Variants in GABRB1 observed in about 807,000 individuals in gnomAD.
The protein encoded by GABRB1 is gamma-aminobutyric acid type A receptor subunit beta1.
In GABRB1, 17 loss-of-function variants were observed where a neutral mutation model predicts 51.6. The ratio of observed to expected loss-of-function variants is 0.33; its 90% CI spans 0.23 to 0.49. The LOEUF (loss-of-function observed/expected upper bound fraction) is 0.49. GABRB1 is among the 20% of genes least tolerant of loss of function. The pLI is 0.99. For missense variants in GABRB1, 410 were observed against 600.6 expected (o/e 0.68, Z 3.32); for synonymous variants, 247 against 218.9 (o/e 1.13, Z -1.14).
intron 3 of GABRB1, among the ~76,000 whole-genome samples, chr4:47,077,761 T>C (rs770990078): frequency 6.1e-5 from 9 of 148,216 alleles, no homozygotes; most frequent in African/African-American, 9.9e-5. Flanking sequence ...ACCTGCAGAG[T>C]AGTCTTTTAA....
intron 4 of GABRB1, among the ~76,000 whole-genome samples, chr4:47,195,271 G>A (rs1465762657): frequency 6.6e-6 from 1 of 152,164 alleles, no homozygotes; most frequent in African/African-American, 2.4e-5. Flanking sequence ...GGAGAGTGAG[G>A]CAGGAGAATG....
At chr4:47,065,769 C>T (rs968685621) in intron 3 of GABRB1, among the ~76,000 whole-genome samples, 32 of 152,214 alleles carry the variant, frequency 2.1e-4, no homozygotes, top group African/African-American at 6.0e-4. Context: ...AAAGGAAAGG[C>T]GCTATCCTAA....
chr4:47,016,711 C>A (rs557853190), intron 1 of GABRB1, among the ~76,000 whole-genome samples: 2 of 152,246 alleles, frequency 1.3e-5, no homozygotes. Flanking sequence ...GCCTCAGCCT[C>A]CTGAGCATCT....
At chr4:47,380,361 G>T (rs1036332576) in intron 5 of GABRB1, among the ~76,000 whole-genome samples, 1 of 152,142 alleles carries the variant, frequency 6.6e-6, no homozygotes, top group African/African-American at 2.4e-5. Flanking sequence ...ATTCCCAGGA[G>T]CACTGACTGC....
chr4:47,101,592 A>G (rs1714726986), intron 3 of GABRB1, among the ~76,000 whole-genome samples: 1 of 151,862 alleles, frequency 6.6e-6, no homozygotes, highest in Non-Finnish European at 1.5e-5. Flanking sequence ...AAATAAAGAG[A>G]ATGGAAGAAA....
At position 47,014,573 on chromosome 4, in the gene GABRB1, G is replaced by A. The variant is rs530968114; in HGVS notation, c.-19-17341G>A. On this transcript the variant is annotated intron_variant, in intron 1 of 3. Transcript: ENST00000513567. ...CTAGCAATTGTCCACTTCTGGGTTG[G>A]ACATCAACTGGGTGTCCTACAATTT... 3.9e-4 allele frequency among the ~76,000 whole-genome samples: 60 copies of A among 152,152 alleles called. No individual in the cohort carries two copies. In the South Asian group the frequency reaches 0.011, roughly 29 times the overall value.
chr4:47,120,627 C>T (rs542593856), intron 3 of GABRB1, among the ~76,000 whole-genome samples: 2 of 152,182 alleles, frequency 1.3e-5, no homozygotes, highest in Non-Finnish European at 2.9e-5. Context: ...TGAAAGTCCA[C>T]GGCATGTACT....
chr4:47,031,883 T>C, intron 1 of GABRB1, 31 bp from the exon 2 acceptor site: 1 of 1,598,926 alleles, frequency 6.3e-7, no homozygotes, highest in Non-Finnish European at 8.6e-7. Flanking sequence ...TTGTGCTCAT[T>C]TTGAATACGG....
chr4:47,036,936 T>C (rs1298987836), intron 3 of GABRB1, among the ~76,000 whole-genome samples: 1 of 152,020 alleles, frequency 6.6e-6, no homozygotes, highest in African/African-American at 2.4e-5. Context: ...CCATTAAAAT[T>C]TCTTTAGGAA....
intron 3 of GABRB1, among the ~76,000 whole-genome samples, chr4:47,082,046 T>C (rs1727870674): frequency 6.6e-6 from 1 of 152,064 alleles, no homozygotes; most frequent in Non-Finnish European, 1.5e-5. Flanking sequence ...TATAAAGTTA[T>C]ACAAATATAA....
chr4:47,302,786 G>A (rs1724310651), intron 4 of GABRB1, among the ~76,000 whole-genome samples: 1 of 151,930 alleles, frequency 6.6e-6, no homozygotes, highest in Non-Finnish European at 1.5e-5. Context: ...TACCAAAAGA[G>A]CCTTTCATTC....
At chr4:47,287,135 G>A (rs1578064717) in intron 4 of GABRB1, among the ~76,000 whole-genome samples, 1 of 130,604 alleles carries the variant, frequency 7.7e-6, no homozygotes, top group African/African-American at 3.0e-5. Flanking sequence ...GTGAGAGAAA[G>A]AGAGAGAGAG....
At chr4:47,249,767 C>A (rs1233602719) in intron 4 of GABRB1, among the ~76,000 whole-genome samples, 1 of 152,024 alleles carries the variant, frequency 6.6e-6, no homozygotes, top group Non-Finnish European at 1.5e-5. Flanking sequence ...TTTCGGTGTC[C>A]ATTTGCATGA....
chr4:47,249,055 G>A (rs1368862521), intron 4 of GABRB1, among the ~76,000 whole-genome samples: 2 of 151,746 alleles, frequency 1.3e-5, no homozygotes, highest in Non-Finnish European at 1.5e-5. Flanking sequence ...GCTGGGTTTG[G>A]GTTTGGTTTG....
chr4:47,396,381 AT>A (rs1210854072), intron 5 of GABRB1, among the ~76,000 whole-genome samples: 1 of 152,170 alleles, frequency 6.6e-6, no homozygotes, highest in African/African-American at 2.4e-5. Context: ...GGGAGTACAA[AT>A]CAAGATGAGA....
intron 4 of GABRB1, among the ~76,000 whole-genome samples, chr4:47,303,880 G>GT (rs1222451472): frequency 6.6e-6 from 1 of 151,862 alleles, no homozygotes; most frequent in African/African-American, 2.4e-5. Flanking sequence ...ACTTTAACTT[G>GT]TTAGATTCCA....
chr4:47,118,296 T>C (rs1715595583), intron 3 of GABRB1, among the ~76,000 whole-genome samples: 2 of 152,160 alleles, frequency 1.3e-5, no homozygotes, highest in Admixed American at 1.3e-4. Context: ...TGCCATGTAA[T>C]TTCAGTGAGT....
intron 3 of GABRB1, among the ~76,000 whole-genome samples, chr4:47,105,417 C>T (rs1427317403): frequency 2.6e-5 from 4 of 151,542 alleles, no homozygotes; most frequent in Non-Finnish European, 4.4e-5. Flanking sequence ...AGGTGGTCCT[C>T]TCTGTTGTTC....
At chr4:47,127,782 G>T (rs1448387619) in intron 3 of GABRB1, among the ~76,000 whole-genome samples, 1 of 151,674 alleles carries the variant, frequency 6.6e-6, no homozygotes, top group Admixed American at 6.6e-5. Context: ...TATAAAATAA[G>T]ACTTAAAGTA....
Sources: gnomAD v4.1 joint callset for allele counts (sites outside exome capture counted in the v4.1 genomes callset) on GRCh38, gnomAD v4.1.1 for gene constraint, MANE v1.5 for transcripts, NCBI Gene and HGNC (gene_info 2026-07-23, HGNC 2026-07-21) for gene names.